The following NEMP2 variants were observed in gnomAD, a reference collection of about 807,000 sequenced individuals.
NEMP2 encodes UPF0571 transmembrane protein.
A neutral mutation model predicts 54.2 loss-of-function variants in NEMP2; 53 were observed. That is an observed-to-expected ratio of 0.98 (90% CI 0.78 to 1.23). The LOEUF (loss-of-function observed/expected upper bound fraction) is 1.23, where lower values mean the gene tolerates loss of function less well. Among genes scored for constraint, NEMP2 ranks in the 50% most tolerant of loss-of-function variants. NEMP2 has a pLI of 0.00. For missense variants in NEMP2, 455 were observed against 511.3 expected (o/e 0.89, Z 1.06); for synonymous variants, 197 against 190.3 (o/e 1.04, Z -0.29).
At chr2:190,578,716 G>A in the NEMP2 span, among the ~76,000 whole-genome samples, 1 of 151,882 alleles carries the variant, frequency 6.6e-6, no homozygotes, top group African/African-American at 2.4e-5. The surrounding 1 kb of genome is among the most constrained non-coding windows in gnomAD (Gnocchi z 4.4). Context: ...GTTAGGGAGG[G>A]GTTTTATTGG....
chr2:190,623,321 A>C, the NEMP2 span, among the ~76,000 whole-genome samples: 1 of 152,190 alleles, frequency 6.6e-6, no homozygotes, highest in African/African-American at 2.4e-5. Flanking sequence ...AAAAAACCCT[A>C]AAATTCTAAT....
At chr2:190,439,362 TTTTA>T in the NEMP2 span, among the ~76,000 whole-genome samples, 1 of 151,922 alleles carries the variant, frequency 6.6e-6, no homozygotes, top group Non-Finnish European at 1.5e-5. The surrounding 1 kb of genome is among the most constrained non-coding windows in gnomAD (Gnocchi z 5.8). Flanking sequence ...TTTTTTCACG[TTTTA>T]TTTGTTTATT....
At chr2:190,551,775 C>T in the NEMP2 span, among the ~76,000 whole-genome samples, 1 of 152,130 alleles carries the variant, frequency 6.6e-6, no homozygotes, top group African/African-American at 2.4e-5. Flanking sequence ...AGGACTGATT[C>T]GTGATTTTTG....
the NEMP2 span, among the ~76,000 whole-genome samples, chr2:190,491,507 C>T: frequency 6.6e-6 from 1 of 152,170 alleles, no homozygotes; most frequent in Non-Finnish European, 1.5e-5. This position sits in a 1 kb window ranked among gnomAD's most constrained non-coding sequence, Gnocchi z 4.2. Context: ...AACCCCAGTA[C>T]CAGCCTGGAG....
chr2:190,509,442 C>CACCCATTCTGA lies in NEMP2; in HGVS notation c.1131-131_1131-130insTCAGAATGGGT. The CACCCATTCTGA allele has an allele frequency of 2.0e-6, 2 of 1,009,322 alleles. No homozygotes were observed. Among genetic ancestry groups the CACCCATTCTGA allele is most frequent in the Non-Finnish European group, 2.9e-6 (2 of 686,402 alleles). 62.5% of individuals were successfully genotyped at this position (1,009,322 alleles called of 1,614,324 possible). A position where few individuals can be genotyped will look rare whatever the true frequency, so the allele number is the denominator to read the frequency against. ...TTGCATCAATACAGGGTGGCATTTA[C>CACCCATTCTGA]ACAGTGGGTGTAAAAATGGGAATGG... On this transcript the variant is annotated intron_variant, in intron 8 of 8. Transcript: ENST00000409150. This position sits in a 1 kb window ranked among gnomAD's most constrained non-coding sequence, Gnocchi z 6.1.
chr2:190,613,470 C>G, the NEMP2 span, among the ~76,000 whole-genome samples: 1 of 152,154 alleles, frequency 6.6e-6, no homozygotes, highest in Non-Finnish European at 1.5e-5. Flanking sequence ...GTAGCCTCTA[C>G]GCCAAATTTT....
At chr2:190,567,740 T>G in the NEMP2 span, among the ~76,000 whole-genome samples, 1 of 152,250 alleles carries the variant, frequency 6.6e-6, no homozygotes, top group Admixed American at 6.5e-5. This position sits in a 1 kb window ranked among gnomAD's most constrained non-coding sequence, Gnocchi z 4.0. Context: ...CCTCTGCCTC[T>G]TGGGTTCAAG....
the NEMP2 span, among the ~76,000 whole-genome samples, chr2:190,597,719 G>A: frequency 6.6e-6 from 1 of 152,000 alleles, no homozygotes; most frequent in Non-Finnish European, 1.5e-5. The surrounding 1 kb of genome is among the most constrained non-coding windows in gnomAD (Gnocchi z 4.7). Flanking sequence ...AAGAAACAGT[G>A]CCTCTGATTA....
the NEMP2 span, among the ~76,000 whole-genome samples, chr2:190,560,360 T>C: frequency 6.6e-6 from 1 of 152,212 alleles, no homozygotes; most frequent in Non-Finnish European, 1.5e-5. This position sits in a 1 kb window ranked among gnomAD's most constrained non-coding sequence, Gnocchi z 5.4. Flanking sequence ...CCTATATGAC[T>C]AGCTTCTCAA....
Position 190,510,802 on chromosome 2 carries a change from A to C in NEMP2, c.954-265T>G, listed in dbSNP as rs937809800. Reference sequence around the variant, plus strand: ...AGGCTGAGGCAGGAGAATGGCGTGAACCTGGGAGGCAGAGGTTGCAGTAAG... The same window carrying C: ...AGGCTGAGGCAGGAGAATGGCGTGACCCTGGGAGGCAGAGGTTGCAGTAAG... On this transcript the variant is annotated intron_variant, in intron 7 of 8. Transcript: ENST00000409150. This position sits in a 1 kb window ranked among gnomAD's most constrained non-coding sequence, Gnocchi z 5.7. Among the ~76,000 whole-genome samples, 2 of 151,626 alleles carry C rather than the reference A, an allele frequency of 1.3e-5. No individual in the cohort carries two copies. Among genetic ancestry groups the C allele is most frequent in the Admixed American group, 1.3e-4 (2 of 15,220 alleles).
chr2:190,516,743 T>G (rs1315434114), intron 5 of NEMP2, among the ~76,000 whole-genome samples: 2 of 152,252 alleles, frequency 1.3e-5, no homozygotes, highest in Non-Finnish European at 2.9e-5. Context: ...TCAGTGTAAC[T>G]GCAACACTAC....
the NEMP2 span, among the ~76,000 whole-genome samples, chr2:190,431,105 C>T: frequency 7.1e-6 from 1 of 140,368 alleles, no homozygotes; most frequent in Non-Finnish European, 1.5e-5. The surrounding 1 kb of genome is among the most constrained non-coding windows in gnomAD (Gnocchi z 4.4). Context: ...ACATCCCAGA[C>T]AGGGCGGCGG....
At chr2:190,574,804 T>A in the NEMP2 span, among the ~76,000 whole-genome samples, 1 of 104,028 alleles carries the variant, frequency 9.6e-6, no homozygotes, top group African/African-American at 3.7e-5. Flanking sequence ...CTCCCTTCCC[T>A]CCCTTCCCTC....
the NEMP2 span, among the ~76,000 whole-genome samples, chr2:190,575,077 G>A: frequency 6.6e-6 from 1 of 151,732 alleles, no homozygotes; most frequent in Non-Finnish European, 1.5e-5. Flanking sequence ...GGCTGGTCTC[G>A]AACTCCTGAC....
the NEMP2 span, among the ~76,000 whole-genome samples, chr2:190,612,467 T>C: frequency 1.3e-5 from 2 of 152,178 alleles, no homozygotes; most frequent in African/African-American, 4.8e-5. Flanking sequence ...TCCCTCTTTT[T>C]AAACAACCAG....
downstream of NEMP2, among the ~76,000 whole-genome samples, chr2:190,503,290 A>G (rs1690096307): frequency 6.6e-6 from 1 of 152,240 alleles, no homozygotes. The surrounding 1 kb of genome is among the most constrained non-coding windows in gnomAD (Gnocchi z 6.3). Flanking sequence ...GAAAGCAGAC[A>G]CACCCACAGC....
At chr2:190,629,504 T>C in the NEMP2 span, among the ~76,000 whole-genome samples, 2 of 152,126 alleles carry the variant, frequency 1.3e-5, no homozygotes, top group African/African-American at 4.8e-5. Context: ...GGAAGAATGA[T>C]GAAATCATTA....
At chr2:190,446,862 C>T in the NEMP2 span, among the ~76,000 whole-genome samples, 1 of 152,190 alleles carries the variant, frequency 6.6e-6, no homozygotes, top group African/African-American at 2.4e-5. Flanking sequence ...TAAGACTGTA[C>T]TGATTCTATT....
chr2:190,597,124 T>C, the NEMP2 span, among the ~76,000 whole-genome samples: 1 of 151,536 alleles, frequency 6.6e-6, no homozygotes, highest in Non-Finnish European at 1.5e-5. This position sits in a 1 kb window ranked among gnomAD's most constrained non-coding sequence, Gnocchi z 4.7. Context: ...ATTAGTTGGG[T>C]GTGGTGGTGT....
Sources: gnomAD v4.1 joint callset for allele counts (sites outside exome capture counted in the v4.1 genomes callset) on GRCh38, gnomAD v4.1.1 for gene constraint, Gnocchi (gnomAD v3.1) non-coding constraint, MANE v1.5 for transcripts, NCBI Gene and HGNC (gene_info 2026-07-23, HGNC 2026-07-21) for gene names.